ILRUN: variants seen among roughly 807,000 people sequenced by gnomAD.
ILRUN encodes the protein protein ILRUN.
A neutral mutation model predicts 33.8 loss-of-function variants in ILRUN; 3 were observed. That is an observed-to-expected ratio of 0.09 (90% confidence interval 0.04 to 0.23). The LOEUF (loss-of-function observed/expected upper bound fraction) is 0.23. ILRUN is among the 10% of genes least tolerant of loss of function. The pLI, the probability that ILRUN is intolerant of heterozygous loss-of-function variation, is 1.00. For missense variants in ILRUN, 210 were observed against 375.1 expected (o/e 0.56, Z 3.64); for synonymous variants, 124 against 138.9 (o/e 0.89, Z 0.75).
At chr6:34,657,179 G>A (rs1720539202) in intron 1 of ILRUN, among the ~76,000 whole-genome samples, 2 of 152,178 alleles carry the variant, frequency 1.3e-5, no homozygotes, top group Non-Finnish European at 2.9e-5. Context: ...CTACCGTTTT[G>A]AAAACAGAAT....
chr6:34,650,407 T>TTATTTTTATTTA (rs1554186669), intron 2 of ILRUN, among the ~76,000 whole-genome samples: 1 of 141,440 alleles, frequency 7.1e-6, no homozygotes, highest in African/African-American at 2.6e-5. Context: ...ATTTATTTAT[T>TTATTTTTATTTA]TTTATTTATT....
chr6:34,692,626 T>A (rs1763670876), intron 1 of ILRUN, among the ~76,000 whole-genome samples: 1 of 152,102 alleles, frequency 6.6e-6, no homozygotes, highest in African/African-American at 2.4e-5. Context: ...TTAATTATGA[T>A]GGATGTTTGT....
chr6:34,635,568 G>GAA (rs772068393), intron 3 of ILRUN, among the ~76,000 whole-genome samples: 7,320 of 122,752 alleles, frequency 0.06, 293 homozygotes, highest in East Asian at 0.24. Flanking sequence ...AGGAAGGAAG[G>GAA]GAGGGAGGGA....
intron 3 of ILRUN, among the ~76,000 whole-genome samples, chr6:34,624,462 T>C (rs1010929350): frequency 1.3e-5 from 2 of 152,172 alleles, no homozygotes; most frequent in African/African-American, 4.8e-5. Context: ...TAGCTGGGAT[T>C]GCAGGCATGC....
At chr6:34,624,120 C>T (rs1262111771) in intron 3 of ILRUN, among the ~76,000 whole-genome samples, 1 of 152,152 alleles carries the variant, frequency 6.6e-6, no homozygotes, top group Non-Finnish European at 1.5e-5. Context: ...GTATGAGCCA[C>T]CATGCCCAGC....
chr6:34,683,651 T>C (rs1763456332), intron 1 of ILRUN, among the ~76,000 whole-genome samples: 1 of 151,566 alleles, frequency 6.6e-6, no homozygotes, highest in Admixed American at 6.6e-5. Context: ...ATACTTCTCA[T>C]CTTTAGTACA....
At chr6:34,670,027 T>C (rs1436808286) in intron 1 of ILRUN, among the ~76,000 whole-genome samples, 2 of 152,056 alleles carry the variant, frequency 1.3e-5, no homozygotes, top group Non-Finnish European at 2.9e-5. Flanking sequence ...TTCTCCTGCC[T>C]CAGCCTCCCG....
chr6:34,684,383 A>G (rs1763471512), intron 1 of ILRUN, among the ~76,000 whole-genome samples: 1 of 152,222 alleles, frequency 6.6e-6, no homozygotes, highest in Non-Finnish European at 1.5e-5. Flanking sequence ...AATGGCAATG[A>G]TCTAAGAGAA....
At chr6:34,676,499 T>A (rs6937784) in intron 1 of ILRUN, among the ~76,000 whole-genome samples, 3 of 150,158 alleles carry the variant, frequency 2.0e-5, no homozygotes, top group African/African-American at 7.4e-5. Context: ...TATGCAAAGA[T>A]AGAGAGAGAG....
intron 4 of ILRUN, among the ~76,000 whole-genome samples, chr6:34,591,308 T>C (rs184542989): frequency 4.3e-4 from 66 of 152,118 alleles, no homozygotes; most frequent in African/African-American, 1.3e-3. Context: ...CTGGACAACA[T>C]AGTCAGAACC....
chr6:34,621,257 T>C (rs960343926), intron 3 of ILRUN, among the ~76,000 whole-genome samples: 13 of 152,306 alleles, frequency 8.5e-5, no homozygotes, highest in African/African-American at 2.6e-4. Flanking sequence ...ACCAGCCTTT[T>C]TGGTAGAAAT....
chr6:34,590,926 C>A (rs1197454017), intron 4 of ILRUN, among the ~76,000 whole-genome samples: 1 of 152,176 alleles, frequency 6.6e-6, no homozygotes, highest in African/African-American at 2.4e-5. Context: ...TCCTTCTTGA[C>A]AAAAATGTCT....
chr6:34,612,987 G>A (rs2127329074), intron 3 of ILRUN, among the ~76,000 whole-genome samples: 1 of 151,888 alleles, frequency 6.6e-6, no homozygotes, highest in Non-Finnish European at 1.5e-5. Context: ...AGCTTGCAGT[G>A]AGCCGAGATT....
intron 1 of ILRUN, chr6:34,686,769 C>T (rs1763528526): frequency 5.9e-6 from 1 of 168,586 alleles, no homozygotes; most frequent in Non-Finnish European, 1.3e-5. Flanking sequence ...GAGATCGAGA[C>T]CACGGTGAAA....
intron 1 of ILRUN, among the ~76,000 whole-genome samples, chr6:34,678,957 C>A (rs1169943036): frequency 6.6e-6 from 1 of 150,732 alleles, no homozygotes; most frequent in African/African-American, 2.4e-5. Context: ...ATACAACAGA[C>A]CTTTAGCACA....
intron 3 of ILRUN, among the ~76,000 whole-genome samples, chr6:34,614,430 AT>A (rs1312987264): frequency 5.2e-5 from 6 of 115,996 alleles, no homozygotes; most frequent in African/African-American, 2.5e-4. Flanking sequence ...TCAAAAAATA[AT>A]AAAAAAAAAA....
chr6:34,678,812 G>A (rs182850236), intron 1 of ILRUN, among the ~76,000 whole-genome samples: 75 of 121,294 alleles, frequency 6.2e-4, no homozygotes, highest in African/African-American at 2.4e-3. Context: ...CCGAGATCAC[G>A]CCACTGTACT....
intron 3 of ILRUN, among the ~76,000 whole-genome samples, chr6:34,635,174 C>T (rs1466297660): frequency 6.6e-6 from 1 of 152,026 alleles, no homozygotes; most frequent in Admixed American, 6.6e-5. Context: ...TGAGCCAAAA[C>T]CAAACCCACT....
At chr6:34,636,987 T>C (rs1762378031) in intron 3 of ILRUN, among the ~76,000 whole-genome samples, 1 of 152,216 alleles carries the variant, frequency 6.6e-6, no homozygotes. Context: ...TATCACCTTT[T>C]TATTCATTTT....
Sources: allele counts gnomAD v4.1 joint callset (sites outside exome capture counted in the v4.1 genomes callset), GRCh38; gene constraint gnomAD v4.1.1; transcripts MANE v1.5; gene names NCBI Gene and HGNC (gene_info 2026-07-23, HGNC 2026-07-21).